TP73: variants seen among roughly 807,000 people sequenced by gnomAD.
TP73 encodes p53-like transcription factor.
Under a neutral mutation model 62.5 loss-of-function variants are expected in TP73, and 25 were observed. That is an observed-to-expected ratio of 0.40 (90% CI 0.29 to 0.56). The LOEUF (loss-of-function observed/expected upper bound fraction) is 0.56, where lower values mean the gene tolerates loss of function less well. Among genes scored for constraint, TP73 ranks in the 20% least tolerant of loss-of-function variants. TP73 has a pLI of 0.46. For synonymous variants in TP73, 423 were observed against 377.5 expected, an observed-to-expected ratio of 1.12 and a Z score of -1.40; for missense variants, 754 against 913.3, an observed-to-expected ratio of 0.83 and a Z score of 2.25.
In TP73 at chr1:3,731,492, G is replaced by A. The variant is rs750706827; in HGVS notation, c.1514G>A (p.Cys505Tyr). 2 of 1,613,828 alleles carry A rather than the reference G, an allele frequency of 1.2e-6. No homozygotes were observed. The highest frequency in any genetic ancestry group is 1.7e-6 in the Non-Finnish European group (2 of 1,180,020). The change falls in exon 13 of 14, where the codon TGC (cysteine) becomes TAC (tyrosine). Residue 505 changes from cysteine (C) to tyrosine (Y), a missense_variant. Physicochemically the swap from Cys to Tyr is radical, Grantham distance 194. This residue lies in a region of TP73 where 458 missense variants were observed against 528.7 expected (regional missense o/e 0.87). Coordinates refer to ENST00000378295, the MANE Select transcript of TP73 (RefSeq NM_005427.4). The stretch of plus-strand genomic sequence containing the variant: ...TTAACAGGATTGGGGTGTCCAAACT[G>A]CATCGAGTATTTCACCTCCCAAGGG... ...SFLTGLGCPN[C>Y]IEYFTSQGLQ...
intron 1 of TP73, among the ~76,000 whole-genome samples, chr1:3,671,295 G>C (rs1645235445): frequency 6.6e-6 from 1 of 152,194 alleles, no homozygotes; most frequent in African/African-American, 2.4e-5. Context: ...TGGAGCCTAG[G>C]ATCCATTGTG....
intron 1 of TP73, among the ~76,000 whole-genome samples, chr1:3,679,030 C>T (rs1167291233): frequency 3.3e-5 from 5 of 152,218 alleles, no homozygotes; most frequent in East Asian, 1.9e-4. Flanking sequence ...CCCACGACCA[C>T]GCTCGCTGGC....
chr1:3,663,955 C>T lies in TP73; in HGVS notation c.-34+11314C>T, dbSNP rs1408343999. Among the ~76,000 whole-genome samples the T allele has an allele frequency of 6.6e-6, 1 of 152,198 alleles. No homozygotes were observed. The highest frequency in any genetic ancestry group is 1.5e-5 in the Non-Finnish European group (1 of 68,038). On this transcript the variant is annotated intron_variant, in intron 1 of 13. Transcript: ENST00000378295. The surrounding 1 kb of genome is among the most constrained non-coding windows in gnomAD (Gnocchi z 4.7). ...GGTAGTGGTATGTCTTGAGCCCAAT[C>T]AGTACCCTGGGGGTCGTGGCCGGCC... is the stretch of plus-strand genomic sequence containing the variant.
intron 1 of TP73, among the ~76,000 whole-genome samples, chr1:3,656,126 A>G (rs1644860306): frequency 6.6e-6 from 1 of 151,710 alleles, no homozygotes; most frequent in South Asian, 2.1e-4. Context: ...CAGTGAGCTG[A>G]GATCACGCAC....
In TP73 at chr1:3,672,825, T is replaced by C. The variant is rs1324629083; in HGVS notation, c.-33-9508T>C. On this transcript the variant is annotated intron_variant, in intron 1 of 13. Transcript: ENST00000378295. The surrounding 1 kb of genome is among the most constrained non-coding windows in gnomAD (Gnocchi z 5.3). ...CTCGTCCCCCCAAGGGCCATGTCCC[T>C]GCCCACCCCTTCCACCCCTTTCTTA... Among the ~76,000 whole-genome samples the C allele has an allele frequency of 6.6e-6, 1 of 151,958 alleles. No individual in the cohort carries two copies. Among genetic ancestry groups the C allele is most frequent in the Admixed American group, 6.6e-5 (1 of 15,266 alleles).
chr1:3,707,639 G>C lies in TP73; in HGVS notation c.277G>C (p.Val93Leu). 2.5e-6 allele frequency: 4 copies of C among 1,612,964 alleles called. No homozygotes were observed. The highest frequency in any genetic ancestry group is 3.4e-6 in the Non-Finnish European group (4 of 1,179,928). ...CTACACCCCAGAGCACGCCGCCAGC[G>C]TGCCCACCCACTCGCCCTACGCACA... The part of the protein sequence containing the change: ...SPYTPEHAAS[V>L]PTHSPYAQPS... The change falls in exon 4 of 14, where the codon GTG (valine) becomes CTG (leucine). Residue 93 changes from valine (V) to leucine (L), a missense_variant. This residue lies in a region of TP73 where 235 missense variants were observed against 251.4 expected (regional missense o/e 0.93). Coordinates refer to ENST00000378295, the MANE Select transcript of TP73 (RefSeq NM_005427.4).
chr1:3,688,113 G>A (rs1645711342), intron 3 of TP73, among the ~76,000 whole-genome samples: 2 of 152,098 alleles, frequency 1.3e-5, no homozygotes, highest in Admixed American at 1.3e-4. Flanking sequence ...GGAAGGGTGG[G>A]GTCATGCGTG....
At chr1:3,655,515 C>G (rs557164061) in intron 1 of TP73, among the ~76,000 whole-genome samples, 1 of 152,160 alleles carries the variant, frequency 6.6e-6, no homozygotes, top group African/African-American at 2.4e-5. Context: ...GTTATTTCCT[C>G]GTGATTTTGC....
chr1:3,673,524 A>G (rs1455650442), intron 1 of TP73, among the ~76,000 whole-genome samples: 1 of 152,150 alleles, frequency 6.6e-6, no homozygotes, highest in African/African-American at 2.4e-5. Context: ...AATTATCTCC[A>G]TTTTACAGAC....
At chr1:3,655,897 G>C (rs997192025) in intron 1 of TP73, among the ~76,000 whole-genome samples, 33 of 152,216 alleles carry the variant, frequency 2.2e-4, no homozygotes, top group African/African-American at 7.7e-4. Flanking sequence ...CCTCTACTCA[G>C]CCGGGCGCAG....
chr1:3,680,855 G>A (rs1014531809), intron 1 of TP73, among the ~76,000 whole-genome samples: 13 of 152,356 alleles, frequency 8.5e-5, no homozygotes, highest in East Asian at 1.9e-4. Flanking sequence ...CACCCACCTG[G>A]CCACGTGATG....
intron 3 of TP73, among the ~76,000 whole-genome samples, chr1:3,686,592 G>A (rs1419533945): frequency 6.6e-6 from 1 of 152,186 alleles, no homozygotes; most frequent in Non-Finnish European, 1.5e-5. Context: ...TGGGGTGTGG[G>A]CAAGAGCAGT....
chr1:3,693,700 A>T (rs1165350459), intron 3 of TP73, among the ~76,000 whole-genome samples: 1 of 137,900 alleles, frequency 7.3e-6, no homozygotes, highest in Non-Finnish European at 1.6e-5. Context: ...AATCCCACCC[A>T]TGCAGCCTTA....
chr1:3,712,875 C>T (rs1008749718), intron 4 of TP73, among the ~76,000 whole-genome samples: 6 of 152,136 alleles, frequency 3.9e-5, no homozygotes, highest in African/African-American at 1.4e-4. Flanking sequence ...CCTTGCAGCC[C>T]GTGTGGTGCC....
chr1:3,707,527 C>G, intron 3 of TP73, 22 bp from the exon 4 acceptor site: 1 of 1,598,042 alleles, frequency 6.3e-7, no homozygotes, highest in Non-Finnish European at 8.6e-7. Context: ...TTCCCCCTCC[C>G]TCCTCCCCTT....
intron 9 of TP73, among the ~76,000 whole-genome samples, chr1:3,728,509 A>AG (rs1212101002): frequency 6.6e-6 from 1 of 152,230 alleles, no homozygotes; most frequent in Non-Finnish European, 1.5e-5. Context: ...GAGTGCCACC[A>AG]GGGTAGAAGT....
rs186354129 is a variant in TP73, at chr1:3,688,652, A to G, written c.186+5472A>G. Among the ~76,000 whole-genome samples, 207 of 152,326 alleles carry G rather than the reference A, an allele frequency of 1.4e-3. 1 individual carries two copies. The highest frequency in any genetic ancestry group is 6.8e-3 in the Middle Eastern group (2 of 294). On this transcript the variant is annotated intron_variant, in intron 3 of 13. Transcript: ENST00000378295. Reference sequence around the variant, plus strand: ...CAGATCCCCTGTCCCTGTCCTCTGCAAGGCTGGGCCTTGGGAACGTTTGCA... The same window carrying G: ...CAGATCCCCTGTCCCTGTCCTCTGCGAGGCTGGGCCTTGGGAACGTTTGCA...
chr1:3,727,547 G>C (rs1370102706), intron 7 of TP73, 81 bp from the exon 8 acceptor site: 1 of 1,537,302 alleles, frequency 6.5e-7, no homozygotes, highest in African/African-American at 1.4e-5. Flanking sequence ...GGTCCTGCAG[G>C]GTCCGAGGTG....
chr1:3,727,566 AG>A, intron 7 of TP73, 61 bp from the exon 8 acceptor site: 6 of 1,552,674 alleles, frequency 3.9e-6, no homozygotes, highest in Non-Finnish European at 5.2e-6. Flanking sequence ...TGGGTGGGGA[AG>A]GTGGGCAGGT....
Sources: gnomAD v4.1 joint callset for allele counts (sites outside exome capture counted in the v4.1 genomes callset) on GRCh38, gnomAD v4.1.1 for gene constraint, gnomAD v4.1.1 regional missense constraint, Gnocchi (gnomAD v3.1) non-coding constraint, MANE v1.5 for transcripts, NCBI Gene and HGNC (gene_info 2026-07-23, HGNC 2026-07-21) for gene names.